PPP3CA: variants seen among roughly 807,000 people sequenced by gnomAD.
The protein encoded by PPP3CA is CAM-PRP catalytic subunit.
PPP3CA carries 14 observed loss-of-function variants against 66.5 expected under a neutral mutation model. The ratio of observed to expected loss-of-function variants is 0.21; its 90% CI spans 0.14 to 0.33. PPP3CA has a LOEUF of 0.33. Ranked by LOEUF, PPP3CA falls within the 10% of genes least tolerant of loss-of-function variation. The pLI, the probability that PPP3CA is intolerant of heterozygous loss-of-function variation, is 1.00. For synonymous variants in PPP3CA, 232 were observed against 226.2 expected (o/e 1.03, Z -0.23); for missense variants, 317 against 639.5 (o/e 0.50, Z 5.44).
At chr4:101,139,996 A>G (rs1722753977) in intron 2 of PPP3CA, among the ~76,000 whole-genome samples, 1 of 152,120 alleles carries the variant, frequency 6.6e-6, no homozygotes, top group South Asian at 2.1e-4. Flanking sequence ...GCTGTTGGTA[A>G]CAAATTATCT....
intron 2 of PPP3CA, among the ~76,000 whole-genome samples, chr4:101,155,440 T>C (rs1723286871): frequency 1.3e-5 from 2 of 152,316 alleles, no homozygotes; most frequent in South Asian, 4.1e-4. Context: ...TCAAGAAAGA[T>C]GAAAGTTCCT....
At chr4:101,337,607 A>G (rs903971760) in intron 1 of PPP3CA, among the ~76,000 whole-genome samples, 5 of 152,164 alleles carry the variant, frequency 3.3e-5, no homozygotes, top group Admixed American at 6.5e-5. Flanking sequence ...TTAGTCTTCA[A>G]CTCTTTGAAA....
At chr4:101,235,680 C>A (rs1219451768) in intron 1 of PPP3CA, among the ~76,000 whole-genome samples, 2 of 151,688 alleles carry the variant, frequency 1.3e-5, no homozygotes, top group Non-Finnish European at 2.9e-5. Context: ...CATATTATGG[C>A]CATTGATATC....
intron 1 of PPP3CA, among the ~76,000 whole-genome samples, chr4:101,285,967 C>T (rs967359822): frequency 7.9e-5 from 12 of 152,170 alleles, no homozygotes; most frequent in African/African-American, 2.9e-4. Context: ...AAGCAGTGGT[C>T]CCTAACTGTT....
chr4:101,189,992 T>G (rs1046880155), intron 2 of PPP3CA, among the ~76,000 whole-genome samples: 22 of 151,978 alleles, frequency 1.4e-4, no homozygotes, highest in Non-Finnish European at 2.9e-4. Context: ...TAGGAACACT[T>G]CAGTGAGAAG....
chr4:101,137,655 T>C (rs1722665977), intron 2 of PPP3CA, among the ~76,000 whole-genome samples: 1 of 152,170 alleles, frequency 6.6e-6, no homozygotes, highest in African/African-American at 2.4e-5. Flanking sequence ...CTGGTCTAGG[T>C]GTCTGCCTGT....
chr4:101,292,492 G>A (rs1023579446), intron 1 of PPP3CA, among the ~76,000 whole-genome samples: 16 of 152,230 alleles, frequency 1.1e-4, no homozygotes, highest in East Asian at 1.9e-4. Context: ...TTTGTGGGTC[G>A]AAATAAGTCC....
intron 1 of PPP3CA, among the ~76,000 whole-genome samples, chr4:101,248,863 T>C (rs895815620): frequency 6.6e-6 from 1 of 152,194 alleles, no homozygotes; most frequent in African/African-American, 2.4e-5. Context: ...AACGACACTT[T>C]AAAAAACAAA....
intron 1 of PPP3CA, among the ~76,000 whole-genome samples, chr4:101,242,407 T>G (rs1203516155): frequency 6.6e-6 from 1 of 152,078 alleles, no homozygotes; most frequent in Non-Finnish European, 1.5e-5. Flanking sequence ...ACTGGTAAGC[T>G]ATTAGTCAAA....
At chr4:101,107,879 T>C (rs1339040854) in intron 3 of PPP3CA, among the ~76,000 whole-genome samples, 1 of 152,192 alleles carries the variant, frequency 6.6e-6, no homozygotes, top group Admixed American at 6.5e-5. Context: ...AGAATAATCA[T>C]TTTCCTTTTT....
At chr4:101,278,122 T>TAAAA (rs3077992) in intron 1 of PPP3CA, among the ~76,000 whole-genome samples, 122 of 112,130 alleles carry the variant, frequency 1.1e-3, no homozygotes, top group African/African-American at 4.5e-3. Flanking sequence ...AAGCTATTAG[T>TAAAA]AAAAAAAAAA....
intron 1 of PPP3CA, among the ~76,000 whole-genome samples, chr4:101,211,440 T>G (rs1725295743): frequency 1.3e-5 from 2 of 152,216 alleles, no homozygotes; most frequent in South Asian, 4.1e-4. Context: ...ATTTTCTAAA[T>G]GCAATAATGT....
chr4:101,287,833 A>C (rs1373575018), intron 1 of PPP3CA, among the ~76,000 whole-genome samples: 1 of 152,068 alleles, frequency 6.6e-6, no homozygotes, highest in African/African-American at 2.4e-5. Flanking sequence ...TGCCCAAGAC[A>C]AACTTTAAAT....
At chr4:101,131,337 T>C (rs1722429331) in intron 2 of PPP3CA, among the ~76,000 whole-genome samples, 1 of 151,080 alleles carries the variant, frequency 6.6e-6, no homozygotes, top group Non-Finnish European at 1.5e-5. Context: ...TGGTGTGCTG[T>C]ATTCAGGAGA....
chr4:101,080,774 G>C (rs1729400439), intron 7 of PPP3CA, 148 bp from the exon 8 acceptor site: 2 of 413,464 alleles, frequency 4.8e-6, no homozygotes, highest in Non-Finnish European at 8.5e-6. Context: ...ATTTATCTCT[G>C]AAGCCTGTTA....
chr4:101,257,157 T>C (rs1726870488), intron 1 of PPP3CA, among the ~76,000 whole-genome samples: 2 of 152,024 alleles, frequency 1.3e-5, no homozygotes, highest in South Asian at 4.1e-4. Flanking sequence ...AATACTTCCA[T>C]GTTATTGTTT....
intron 1 of PPP3CA, among the ~76,000 whole-genome samples, chr4:101,227,361 T>C (rs1725816284): frequency 6.6e-6 from 1 of 151,784 alleles, no homozygotes. Context: ...CTAAATTATG[T>C]AGTATTATCA....
intron 3 of PPP3CA, among the ~76,000 whole-genome samples, chr4:101,102,576 T>A (rs1730495374): frequency 6.6e-6 from 1 of 152,028 alleles, no homozygotes; most frequent in African/African-American, 2.4e-5. Flanking sequence ...TCCCTCAACA[T>A]CTGGTGGGAG....
chr4:101,166,219 T>C (rs914684188), intron 2 of PPP3CA, among the ~76,000 whole-genome samples: 1 of 152,164 alleles, frequency 6.6e-6, no homozygotes, highest in Non-Finnish European at 1.5e-5. Context: ...CTGAATTTCA[T>C]CACTTAGATT....
Sources: allele counts gnomAD v4.1 joint callset (sites outside exome capture counted in the v4.1 genomes callset), GRCh38; gene constraint gnomAD v4.1.1; transcripts MANE v1.5; gene names NCBI Gene and HGNC (gene_info 2026-07-23, HGNC 2026-07-21).